MSRA: variants seen among roughly 807,000 people sequenced by gnomAD.
MSRA encodes the protein methionine sulfoxide reductase A.
In MSRA, 54 loss-of-function variants were observed where a neutral mutation model predicts 31.3. The observed-to-expected ratio is 1.73, with a 90% CI of 1.39 to 2.17. MSRA has a LOEUF of 2.17. Among genes scored for constraint, MSRA ranks in the 30% most tolerant of loss-of-function variants. The probability of loss-of-function intolerance (pLI) is 0.00; values close to 1 mark genes in which losing one functional copy is unlikely to be tolerated. For missense variants in MSRA, 507 were observed against 300.9 expected (o/e 1.69, Z -5.07); for synonymous variants, 169 against 116.5 (o/e 1.45, Z -2.90).
Position 10,428,264 on chromosome 8 carries a change from C to A in MSRA, c.660C>A (p.Cys220Ter). 6.2e-7 allele frequency: 1 copy of A among 1,614,080 alleles called. No homozygotes were observed. The highest frequency in any genetic ancestry group is 8.5e-7 in the Non-Finnish European group (1 of 1,179,962). The change falls in exon 6 of 6, where the codon TGC becomes TGA. Residue 220 changes from cysteine to a stop codon, truncating the protein, a stop_gained. Transcript: ENST00000317173. LOFTEE classifies it high-confidence loss of function. The part of the protein sequence containing the change: ...QYLSKNPNGY[C>*]GLGGTGVSCP... ...TGAGCAAGAACCCCAATGGCTACTGCGGCCTTGGGGGCACCGGCGTGTCCT... is the reference window on the plus strand; with the variant it reads ...TGAGCAAGAACCCCAATGGCTACTGAGGCCTTGGGGGCACCGGCGTGTCCT...
rs148117250 is a variant in MSRA, at chr8:10,120,275, G to A, written c.142+65617G>A. On this transcript the variant is annotated intron_variant, in intron 1 of 5. Transcript: ENST00000317173. ...CCATGTTGAGAGCCCTGCTGAGCTT[G>A]GAAACAATCACTTTGTGATTGTACC... is the stretch of plus-strand genomic sequence containing the variant. 1.8e-3 allele frequency among the ~76,000 whole-genome samples: 276 copies of A among 152,280 alleles called. 1 individual carries two copies. The highest frequency in any genetic ancestry group is 6.4e-3 in the African/African-American group (264 of 41,550).
intron 3 of MSRA, among the ~76,000 whole-genome samples, chr8:10,285,213 G>A (rs1039342726): frequency 7.2e-5 from 11 of 152,044 alleles, no homozygotes; most frequent in East Asian, 3.9e-4. Flanking sequence ...TTCTGCATCC[G>A]CCTTCTCCGA....
intron 3 of MSRA, among the ~76,000 whole-genome samples, chr8:10,289,806 G>T (rs540382901): frequency 6.6e-6 from 1 of 152,272 alleles, no homozygotes; most frequent in South Asian, 2.1e-4. Context: ...TCTTTGCTTG[G>T]AGAGCCGTCC....
intron 5 of MSRA, 78 bp downstream of exon 5, chr8:10,320,067 G>T: frequency 1.2e-6 from 1 of 851,516 alleles, no homozygotes; most frequent in Admixed American, 2.9e-5. Flanking sequence ...AGGGCAGTCT[G>T]CTGCTTTTCA....
At chr8:10,330,204 TATACAC>T (rs1802614383) in intron 5 of MSRA, among the ~76,000 whole-genome samples, 2 of 107,898 alleles carry the variant, frequency 1.9e-5, no homozygotes, top group Admixed American at 1.1e-4. Flanking sequence ...TTAAATGTGA[TATACAC>T]ACACACACAC....
intron 4 of MSRA, among the ~76,000 whole-genome samples, chr8:10,313,458 C>CA (rs1337887739): frequency 3.4e-5 from 5 of 145,532 alleles, no homozygotes; most frequent in Non-Finnish European, 6.0e-5. Context: ...GGAGTGCTAC[C>CA]AAAAAATCTA....
At chr8:10,187,969 A>C (rs561594759) in intron 1 of MSRA, among the ~76,000 whole-genome samples, 2 of 152,332 alleles carry the variant, frequency 1.3e-5, no homozygotes, top group South Asian at 4.1e-4. Context: ...AATCTTTTCA[A>C]TTTGCTTTAC....
intron 2 of MSRA, among the ~76,000 whole-genome samples, chr8:10,216,635 C>G (rs913179518): frequency 6.6e-6 from 1 of 152,230 alleles, no homozygotes; most frequent in Non-Finnish European, 1.5e-5. Context: ...CTAAATTTGA[C>G]TACTCTAGGG....
At chr8:10,390,130 T>A (rs996444158) in intron 5 of MSRA, among the ~76,000 whole-genome samples, 5 of 152,228 alleles carry the variant, frequency 3.3e-5, no homozygotes, top group African/African-American at 1.2e-4. Flanking sequence ...CCCCTCTCTG[T>A]ATTCCTGGTG....
At chr8:10,401,455 A>G (rs1807458363) in intron 5 of MSRA, among the ~76,000 whole-genome samples, 2 of 152,228 alleles carry the variant, frequency 1.3e-5, no homozygotes, top group South Asian at 4.1e-4. Flanking sequence ...ACCCTTGTGC[A>G]TTGCTACTGG....
At chr8:10,389,197 C>G (rs1436747223) in intron 5 of MSRA, among the ~76,000 whole-genome samples, 2 of 152,214 alleles carry the variant, frequency 1.3e-5, no homozygotes, top group East Asian at 3.9e-4. Context: ...GGAAAAGGAC[C>G]CTGGCATTTG....
intron 1 of MSRA, among the ~76,000 whole-genome samples, chr8:10,112,938 G>T (rs1254567514): frequency 6.6e-6 from 1 of 152,100 alleles, no homozygotes; most frequent in African/African-American, 2.4e-5. Context: ...TTCAGGAGAG[G>T]TCATTCCTGA....
At chr8:10,251,424 A>G (rs775014850) in intron 3 of MSRA, among the ~76,000 whole-genome samples, 6 of 152,258 alleles carry the variant, frequency 3.9e-5, no homozygotes, top group Non-Finnish European at 7.3e-5. Context: ...ACTCATTTCA[A>G]TGTCAGTCAA....
intron 3 of MSRA, among the ~76,000 whole-genome samples, chr8:10,284,734 G>A (rs1799843367): frequency 1.3e-5 from 2 of 152,122 alleles, no homozygotes; most frequent in African/African-American, 4.8e-5. Context: ...CAGTGGTGGT[G>A]TGATGGTGGC....
At chr8:10,392,415 T>C (rs1806802541) in intron 5 of MSRA, among the ~76,000 whole-genome samples, 1 of 152,138 alleles carries the variant, frequency 6.6e-6, no homozygotes, top group Non-Finnish European at 1.5e-5. Flanking sequence ...GGCTGGTCAG[T>C]GTCAAGGCTG....
chr8:10,119,423 T>C (rs1396303143), intron 1 of MSRA, among the ~76,000 whole-genome samples: 1 of 152,160 alleles, frequency 6.6e-6, no homozygotes, highest in African/African-American at 2.4e-5. Context: ...TGCTTTCTGC[T>C]GGCGATTAAG....
At chr8:10,376,797 G>C in intron 5 of MSRA, among the ~76,000 whole-genome samples, 1 of 152,190 alleles carries the variant, frequency 6.6e-6, no homozygotes, top group East Asian at 1.9e-4. Context: ...ACTATACAAA[G>C]TTTGGTTTCA....
At chr8:10,221,647 G>C (rs1299889997) in intron 2 of MSRA, among the ~76,000 whole-genome samples, 2 of 152,144 alleles carry the variant, frequency 1.3e-5, no homozygotes, top group Admixed American at 1.3e-4. Context: ...TTATACTCCA[G>C]TAGGGTGGGA....
At chr8:10,083,807 C>T (rs950418764) in intron 1 of MSRA, among the ~76,000 whole-genome samples, 4 of 152,028 alleles carry the variant, frequency 2.6e-5, no homozygotes, top group Non-Finnish European at 5.9e-5. Flanking sequence ...TCTGTATTCA[C>T]GATGTTTCAG....
Sources: allele counts gnomAD v4.1 joint callset (sites outside exome capture counted in the v4.1 genomes callset), GRCh38; gene constraint gnomAD v4.1.1; transcripts MANE v1.5; gene names NCBI Gene and HGNC (gene_info 2026-07-23, HGNC 2026-07-21).